The following RHBDD1 variants were observed in gnomAD, a reference collection of about 807,000 sequenced individuals.
The protein encoded by RHBDD1 is rhomboid-related protein 4.
RHBDD1 carries 38 observed loss-of-function variants against 36.3 expected under a neutral mutation model. That is an observed-to-expected ratio of 1.05 (90% CI 0.81 to 1.37). The LOEUF (loss-of-function observed/expected upper bound fraction) is 1.37, where lower values mean the gene tolerates loss of function less well. Ranked by LOEUF, RHBDD1 falls within the 40% of genes most tolerant of loss-of-function variation. The pLI is 0.00. For missense variants in RHBDD1, 393 were observed against 377.6 expected (o/e 1.04, Z -0.34); for synonymous variants, 151 against 136.5 (o/e 1.11, Z -0.74).
chr2:226,875,057 G>A (rs925043762), intron 5 of RHBDD1, among the ~76,000 whole-genome samples: 2 of 152,144 alleles, frequency 1.3e-5, no homozygotes, highest in Admixed American at 1.3e-4. Context: ...TCTACCGTAA[G>A]CCCTTCCTCC....
chr2:226,916,110 CA>C (rs1334965228), intron 8 of RHBDD1, among the ~76,000 whole-genome samples: 1 of 152,200 alleles, frequency 6.6e-6, no homozygotes, highest in African/African-American at 2.4e-5. Context: ...CAGAAATAAA[CA>C]AGTCTTATGC....
intron 5 of RHBDD1, among the ~76,000 whole-genome samples, chr2:226,887,201 G>A (rs1478346521): frequency 2.6e-5 from 4 of 151,932 alleles, no homozygotes; most frequent in Non-Finnish European, 5.9e-5. Context: ...AAAAGTTGTT[G>A]ACTAATATTA....
At chr2:226,919,518 C>T (rs191668496) in intron 8 of RHBDD1, among the ~76,000 whole-genome samples, 4 of 152,144 alleles carry the variant, frequency 2.6e-5, no homozygotes, top group African/African-American at 7.2e-5. Context: ...AGATAGGGGT[C>T]TAGTTTCATT....
intron 5 of RHBDD1, among the ~76,000 whole-genome samples, chr2:226,899,806 A>G (rs974981245): frequency 3.3e-5 from 5 of 152,238 alleles, no homozygotes; most frequent in Admixed American, 1.3e-4. Context: ...AACTGAAAGA[A>G]CTATGAAACA....
At chr2:226,910,002 A>G (rs539831829) in intron 7 of RHBDD1, among the ~76,000 whole-genome samples, 9 of 152,336 alleles carry the variant, frequency 5.9e-5, no homozygotes, top group African/African-American at 1.9e-4. Context: ...TCCTTGTAGC[A>G]TGAAAGCTGC....
chr2:226,828,645 A>G, the RHBDD1 span, among the ~76,000 whole-genome samples: 1 of 152,100 alleles, frequency 6.6e-6, no homozygotes, highest in African/African-American at 2.4e-5. Flanking sequence ...GTTAATTTGC[A>G]TTTTCCAAAT....
chr2:226,809,634 G>GGA, the RHBDD1 span, among the ~76,000 whole-genome samples: 954 of 151,904 alleles, frequency 6.3e-3, 25 homozygotes, highest in Admixed American at 0.052. Flanking sequence ...AGAAAGAGAG[G>GGA]GAGAGAGAGA....
intron 8 of RHBDD1, among the ~76,000 whole-genome samples, chr2:226,956,296 A>T (rs1951788922): frequency 6.6e-6 from 1 of 152,180 alleles, no homozygotes; most frequent in South Asian, 2.1e-4. Flanking sequence ...CTAGAGTCAC[A>T]TATTATTAGC....
At chr2:226,863,475 A>G (rs983436611) in intron 3 of RHBDD1, among the ~76,000 whole-genome samples, 35 of 152,262 alleles carry the variant, frequency 2.3e-4, no homozygotes, top group Non-Finnish European at 5.9e-5. Flanking sequence ...TCCAAAGCTC[A>G]GTGAAGTAAA....
the RHBDD1 span, among the ~76,000 whole-genome samples, chr2:226,801,708 C>T: frequency 3.0e-4 from 45 of 152,280 alleles, no homozygotes; most frequent in Admixed American, 1.6e-3. Flanking sequence ...GCGGCACTCA[C>T]AGTGACCGAA....
At chr2:226,801,385 A>G in the RHBDD1 span, among the ~76,000 whole-genome samples, 1 of 152,146 alleles carries the variant, frequency 6.6e-6, no homozygotes, top group Non-Finnish European at 1.5e-5. Flanking sequence ...AAAAAAAGAA[A>G]AAGAAGATGA....
intron 5 of RHBDD1, chr2:226,869,104 C>G: frequency 1.2e-6 from 1 of 828,548 alleles, no homozygotes. Context: ...TCTTATGCAA[C>G]TATTTCTGAA....
rs115724469 is a variant in RHBDD1 at position 226,888,020 on chromosome 2, G to A, written c.567-18773G>A. ...GTCTGGTTTATACAGCTTGATGGCC[G>A]ACTCAGGGTGGCCTCCTTCCCTTTT... On this transcript the variant is annotated intron_variant, in intron 5 of 8. Coordinates refer to ENST00000392062, the MANE Select transcript of RHBDD1 (RefSeq NM_001167608.3). Among the ~76,000 whole-genome samples the A allele has an allele frequency of 6.4e-3, 968 of 152,312 alleles. 7 individuals carry two copies. The highest frequency in any genetic ancestry group is 0.011 in the Non-Finnish European group (729 of 68,026).
chr2:226,954,670 G>A (rs760956951), intron 8 of RHBDD1, among the ~76,000 whole-genome samples: 9 of 152,088 alleles, frequency 5.9e-5, no homozygotes, highest in Non-Finnish European at 1.3e-4. Flanking sequence ...GGATAAATAG[G>A]CAGATGGATT....
rs531852028 is a variant in RHBDD1 at position 226,972,343 on chromosome 2, C to T, written c.857-23088C>T. The stretch of plus-strand genomic sequence containing the variant: ...CAGTCAATCATTGATGGAAAAAGCC[C>T]ACTTCTTAAGAAAGAAACACAAAGG... On this transcript the variant is annotated intron_variant, in intron 8 of 8. Coordinates refer to ENST00000392062, the MANE Select transcript of RHBDD1 (RefSeq NM_001167608.3). 1.1e-4 allele frequency among the ~76,000 whole-genome samples: 17 copies of T among 152,248 alleles called. No individual in the cohort carries two copies. In the South Asian group the frequency reaches 2.7e-3, roughly 24 times the overall value.
chr2:226,828,554 A>G, the RHBDD1 span, among the ~76,000 whole-genome samples: 2 of 152,228 alleles, frequency 1.3e-5, no homozygotes, highest in Admixed American at 1.3e-4. Flanking sequence ...TGAGCATCAC[A>G]GTTTCTCCAC....
chr2:226,859,916 A>T (rs1351625448), intron 3 of RHBDD1, among the ~76,000 whole-genome samples: 2 of 152,186 alleles, frequency 1.3e-5, no homozygotes, highest in Non-Finnish European at 2.9e-5. Context: ...AGAAGCAGAG[A>T]ATTCAGTTGG....
At chr2:226,905,065 A>C (rs562466734) in intron 5 of RHBDD1, among the ~76,000 whole-genome samples, 8 of 152,018 alleles carry the variant, frequency 5.3e-5, no homozygotes, top group East Asian at 1.9e-4. Flanking sequence ...ATGTTCTTGG[A>C]GTCTCCATCA....
intron 8 of RHBDD1, among the ~76,000 whole-genome samples, chr2:226,936,432 T>G (rs972351488): frequency 6.6e-6 from 1 of 152,088 alleles, no homozygotes; most frequent in African/African-American, 2.4e-5. Context: ...GAGAGAGAGA[T>G]ACATGGAATT....
Sources: allele counts gnomAD v4.1 joint callset (sites outside exome capture counted in the v4.1 genomes callset), GRCh38; gene constraint gnomAD v4.1.1; transcripts MANE v1.5; gene names NCBI Gene and HGNC (gene_info 2026-07-23, HGNC 2026-07-21).